OSBPL5: variants seen among roughly 807,000 people sequenced by gnomAD.
OSBPL5 encodes the protein oxysterol-binding protein-related protein 5.
In OSBPL5, 71 loss-of-function variants were observed where a neutral mutation model predicts 111.2. That is an observed-to-expected ratio of 0.64 (90% confidence interval 0.53 to 0.78). The LOEUF is 0.78. Among genes scored for constraint, OSBPL5 ranks in the 30% least tolerant of loss-of-function variants. The pLI is 0.00. For missense variants in OSBPL5, 1,210 were observed against 1,189.3 expected (o/e 1.02, Z -0.26); for synonymous variants, 549 against 513.9 (o/e 1.07, Z -0.93).
At chr11:3,090,512 C>T (rs1857018782) in intron 20 of OSBPL5, 46 bp downstream of exon 20, 1 of 1,590,726 alleles carries the variant, frequency 6.3e-7, no homozygotes, top group Non-Finnish European at 8.6e-7. Context: ...GCATCTGAGG[C>T]ACCCCACCAG....
At chr11:3,124,486 T>C (rs112470714) in intron 3 of OSBPL5, among the ~76,000 whole-genome samples, 38 of 152,164 alleles carry the variant, frequency 2.5e-4, no homozygotes, top group African/African-American at 8.9e-4. Context: ...CAGGATCTTG[T>C]TCATGATGCC....
chr11:3,102,196 T>C lies in OSBPL5; in HGVS notation c.1412A>G (p.Tyr471Cys). The change falls in exon 12 of 22, where the codon TAC (tyrosine) becomes TGC (cysteine). Residue 471 changes from tyrosine (Y) to cysteine (C), a missense_variant. Coordinates refer to ENST00000263650, the MANE Select transcript of OSBPL5 (RefSeq NM_020896.4). ...AGGTGCTCTTGCCTGCTCTGCTATGTAGAATGTGCGGCTGTCAGTCTGCGG... is the reference window on the plus strand; with the variant it reads ...AGGTGCTCTTGCCTGCTCTGCTATGCAGAATGTGCGGCTGTCAGTCTGCGG... ...FHPQTDSRTF[Y>C]IAEQVSHHPP... The C allele has an allele frequency of 6.2e-7, 1 of 1,604,898 alleles. No individual in the cohort carries two copies. The highest frequency in any genetic ancestry group is 8.5e-7 in the Non-Finnish European group (1 of 1,176,310).
Position 3,142,647 on chromosome 11 carries a change from C to CGCTG in OSBPL5, c.-21-13482_-21-13479dup, listed in dbSNP as rs1243984414. ...TGGGTGGTGCGTTTATCAACAGGACCGCTGGTTTCATGTCTCTGTCTCTCC... is the reference window on the plus strand; with the variant it reads ...TGGGTGGTGCGTTTATCAACAGGACCGCTGGCTGGTTTCATGTCTCTGTCTCTCC... On this transcript the variant is annotated intron_variant, in intron 1 of 21. Coordinates refer to ENST00000263650, the MANE Select transcript of OSBPL5 (RefSeq NM_020896.4). This position sits in a 1 kb window ranked among gnomAD's most constrained non-coding sequence, Gnocchi z 7.1. 6.6e-6 allele frequency among the ~76,000 whole-genome samples: 1 copy of CGCTG among 152,166 alleles called. No homozygotes were observed. The highest frequency in any genetic ancestry group is 2.4e-5 in the African/African-American group (1 of 41,442).
Position 3,093,762 on chromosome 11 carries a change from C to T in OSBPL5, c.1793G>A (p.Ser598Asn). 1.2e-6 allele frequency: 2 copies of T among 1,613,146 alleles called. No homozygotes were observed. The highest frequency in any genetic ancestry group is 1.7e-6 in the Non-Finnish European group (2 of 1,179,994). The change falls in exon 16 of 22, where the codon AGC (serine) becomes AAC (asparagine). Residue 598 changes from serine (S) to asparagine (N), a missense_variant. Physicochemically the swap from Ser to Asn is conservative, Grantham distance 46 (BLOSUM62 1). Transcript: ENST00000263650. ...GCCCCTTACCCAGTGGCCACTGAGG[C>T]TCGCCAGGACTTCCTCTCCCGACGT... ...KITSGEEVLA[S>N]LSGHWDRDVF...
Position 3,107,571 on chromosome 11 carries a change from C to A in OSBPL5, c.867-116G>T. 1 of 1,385,350 alleles carries A rather than the reference C, an allele frequency of 7.2e-7. No individual in the cohort carries two copies. Among genetic ancestry groups the A allele is most frequent in the South Asian group, 1.3e-5 (1 of 77,440 alleles). The allele number at this position is 1,385,350 out of a possible 1,614,324, so 85.8% of individuals were successfully genotyped here. ...CACATACGTTCCTGCCTGTCGTCACCTCCACAACCCACATTTGACACGATC... is the reference window on the plus strand; with the variant it reads ...CACATACGTTCCTGCCTGTCGTCACATCCACAACCCACATTTGACACGATC... On this transcript the variant is annotated intron_variant, in intron 8 of 21. Transcript: ENST00000263650. The surrounding 1 kb of genome is among the most constrained non-coding windows in gnomAD (Gnocchi z 6.1).
intron 7 of OSBPL5, among the ~76,000 whole-genome samples, chr11:3,114,128 T>C (rs1249409165): frequency 2.0e-5 from 3 of 152,210 alleles, no homozygotes; most frequent in African/African-American, 7.2e-5. Flanking sequence ...AATATATTTG[T>C]AGGAAAATAT....
At chr11:3,116,144 G>A (rs935573969) in intron 7 of OSBPL5, among the ~76,000 whole-genome samples, 1 of 151,996 alleles carries the variant, frequency 6.6e-6, no homozygotes, top group African/African-American at 2.4e-5. Flanking sequence ...ATGGTATTTG[G>A]TCTTCTTTGG....
At chr11:3,160,510 A>T (rs1355810760) in intron 1 of OSBPL5, among the ~76,000 whole-genome samples, 2 of 152,302 alleles carry the variant, frequency 1.3e-5, no homozygotes, top group Non-Finnish European at 2.9e-5. Flanking sequence ...TGGGACCCAC[A>T]GCGGCGCGCC....
In OSBPL5 at chr11:3,104,459, A is replaced by T; in HGVS notation, c.1060-82T>A. On this transcript the variant is annotated intron_variant, in intron 9 of 21. Transcript: ENST00000263650. The surrounding 1 kb of genome is among the most constrained non-coding windows in gnomAD (Gnocchi z 5.0). ...GCGGGACAGTGGCAGCTCTGGCTGG[A>T]GGAGGCTGTACCTGCCACCCCTTAG... 2.7e-6 allele frequency: 4 copies of T among 1,495,550 alleles called. No individual in the cohort carries two copies. Among genetic ancestry groups the T allele is most frequent in the Non-Finnish European group, 3.6e-6 (4 of 1,111,130 alleles). 92.6% of individuals were successfully genotyped at this position (1,495,550 alleles called of 1,614,324 possible).
chr11:3,118,470 T>A (rs920071093), intron 7 of OSBPL5, among the ~76,000 whole-genome samples: 2 of 152,104 alleles, frequency 1.3e-5, no homozygotes, highest in African/African-American at 4.8e-5. Context: ...CTCCCTAAAA[T>A]GTATAAAACC....
rs530973316 is a variant in OSBPL5 at position 3,116,653 on chromosome 11, G to A, written c.691+2894C>T. 9.7e-4 allele frequency among the ~76,000 whole-genome samples: 148 copies of A among 152,190 alleles called. 3 individuals are homozygous for A. In the Middle Eastern group the frequency reaches 0.01, roughly 10 times the overall value. On this transcript the variant is annotated intron_variant, in intron 7 of 21. Coordinates refer to ENST00000263650, the MANE Select transcript of OSBPL5 (RefSeq NM_020896.4). ...GCGGATCACTTGAGGTCAGGAGTTC[G>A]AGACCAGCCTGGCCAACATGGTGAA...
chr11:3,112,182 C>A (rs1858018997), intron 7 of OSBPL5, among the ~76,000 whole-genome samples: 2 of 152,088 alleles, frequency 1.3e-5, no homozygotes, highest in African/African-American at 4.8e-5. Flanking sequence ...TTGTTTTTCT[C>A]CTAGGACCTT....
Position 3,093,040 on chromosome 11 carries a change from G to T in OSBPL5, c.1959C>A (p.His653Gln). 4 of 1,586,162 alleles carry T rather than the reference G, an allele frequency of 2.5e-6. No individual in the cohort carries two copies. Among genetic ancestry groups the T allele is most frequent in the South Asian group, 1.1e-5 (1 of 87,974 alleles). The change falls in exon 18 of 22, where the codon CAC (histidine) becomes CAA (glutamine). Residue 653 changes from histidine to glutamine, a missense_variant. By Grantham distance (24) the His-to-Gln change is conservative. Coordinates refer to ENST00000263650, the MANE Select transcript of OSBPL5 (RefSeq NM_020896.4). ...CGCCCTTGCTGATGGCCCTGGTGAC[G>T]TGCTGCCAGAGCCTGCGGGCCAGTG... ...TELESERLWQ[H>Q]VTRAISKGDQ...
At position 3,129,126 on chromosome 11, in the gene OSBPL5, C is replaced by G. The variant is rs374354189; in HGVS notation, c.23G>C (p.Arg8Pro). 2.0e-6 allele frequency: 3 copies of G among 1,486,074 alleles called. No individual in the cohort carries two copies. The highest frequency in any genetic ancestry group is 1.3e-5 in the South Asian group (1 of 75,966). 92.1% of individuals were successfully genotyped at this position (1,486,074 alleles called of 1,614,324 possible). ...AGGTGGACACAGGGAGAAGCGGCGC[C>G]GGAGGAAGGCCTCCTCCTTCATGCT... MKEEAFL[R>P]RRFSLCPPSS... The change falls in exon 2 of 22, where the codon CGG (arginine) becomes CCG (proline). Residue 8 changes from arginine (R) to proline (P), a missense_variant. Transcript: ENST00000263650.
At chr11:3,094,139 G>A in intron 15 of OSBPL5, 98 bp downstream of exon 15, 1 of 1,209,168 alleles carries the variant, frequency 8.3e-7, no homozygotes, top group Admixed American at 2.1e-5. Context: ...GCACTGCCTT[G>A]GGGAACCTTC....
At chr11:3,160,013 C>T (rs142046593) in intron 1 of OSBPL5, among the ~76,000 whole-genome samples, 16 of 152,194 alleles carry the variant, frequency 1.1e-4, no homozygotes, top group Admixed American at 1.0e-3. Flanking sequence ...ACCATCACCA[C>T]CATCAATCTC....
At position 3,154,620 on chromosome 11, in the gene OSBPL5, G is replaced by A. The variant is rs1444899472; in HGVS notation, c.-22+10596C>T. Among the ~76,000 whole-genome samples the A allele has an allele frequency of 2.0e-5, 3 of 152,190 alleles. No homozygotes were observed. Among genetic ancestry groups the A allele is most frequent in the African/African-American group, 7.2e-5 (3 of 41,434 alleles). On this transcript the variant is annotated intron_variant, in intron 1 of 21. Transcript: ENST00000263650. This position sits in a 1 kb window ranked among gnomAD's most constrained non-coding sequence, Gnocchi z 4.9. ...CGGGCAAATGCTGGGCCCTCACAGG[G>A]GATAAAAACAGAACCCACTGACGAG...
chr11:3,129,226 G>C (rs113465000), intron 1 of OSBPL5, 57 bp from the exon 2 acceptor site: 14,906 of 1,344,428 alleles, frequency 0.011, 109 homozygotes, highest in Middle Eastern at 0.021. Context: ...GGGCTTCAGA[G>C]CCACATGGTG....
intron 1 of OSBPL5, among the ~76,000 whole-genome samples, chr11:3,131,639 C>G (rs1290153918): frequency 6.7e-6 from 1 of 149,338 alleles, no homozygotes; most frequent in Admixed American, 6.6e-5. Flanking sequence ...ATCCACCCGT[C>G]TATTCATCCA....
Sources: allele counts gnomAD v4.1 joint callset (sites outside exome capture counted in the v4.1 genomes callset), GRCh38; gene constraint gnomAD v4.1.1; non-coding constraint Gnocchi (gnomAD v3.1); transcripts MANE v1.5; gene names NCBI Gene and HGNC (gene_info 2026-07-23, HGNC 2026-07-21).